TUNAR: variants seen among roughly 807,000 people sequenced by gnomAD.
The protein encoded by TUNAR is transmembrane neural differentiation associated intracellular calcium regulator, also known as protein TUNAR.
intron 2 of TUNAR, among the ~76,000 whole-genome samples, chr14:95,892,711 C>G (rs371864887): frequency 6.6e-6 from 1 of 152,264 alleles, no homozygotes; most frequent in Admixed American, 6.5e-5. Context: ...TCCCACATTG[C>G]TGTGACCCTG....
At chr14:95,898,866 C>G (rs1889303997) in intron 2 of TUNAR, among the ~76,000 whole-genome samples, 1 of 152,210 alleles carries the variant, frequency 6.6e-6, no homozygotes, top group Non-Finnish European at 1.5e-5. Context: ...TGCTCACTTT[C>G]TCCTGTGCCT....
chr14:95,888,612 G>A (rs1020246915), intron 2 of TUNAR, among the ~76,000 whole-genome samples: 2 of 152,254 alleles, frequency 1.3e-5, no homozygotes, highest in African/African-American at 2.4e-5. Context: ...CTCTGTGGAC[G>A]CTCCGTGTGG....
chr14:95,906,644 T>C (rs1352362239), intron 2 of TUNAR, among the ~76,000 whole-genome samples: 1 of 152,222 alleles, frequency 6.6e-6, no homozygotes, highest in Non-Finnish European at 1.5e-5. Context: ...GGTGAGTTCT[T>C]TTCTTTCCCA....
intron 2 of TUNAR, among the ~76,000 whole-genome samples, chr14:95,910,108 G>C (rs149269703): frequency 1.4e-4 from 21 of 152,310 alleles, no homozygotes; most frequent in African/African-American, 4.8e-4. Context: ...CGTATCCCTA[G>C]TACCTACAAA....
chr14:95,884,594 G>A (rs999475579), intron 2 of TUNAR, among the ~76,000 whole-genome samples: 2 of 152,234 alleles, frequency 1.3e-5, no homozygotes, highest in Admixed American at 6.5e-5. Flanking sequence ...GTGTTACAGG[G>A]TGACTCATCA....
intron 2 of TUNAR, among the ~76,000 whole-genome samples, chr14:95,917,220 A>G (rs1889619044): frequency 6.6e-6 from 1 of 152,174 alleles, no homozygotes; most frequent in Non-Finnish European, 1.5e-5. Flanking sequence ...TCTATAATTC[A>G]TCTGGAACTG....
chr14:95,923,061 G>A, exon 3 of TUNAR: 2 of 398,340 alleles, frequency 5.0e-6, no homozygotes, highest in Non-Finnish European at 8.9e-6. Context: ...GAACAAGCAG[G>A]CTTGACCCGC....
At chr14:95,914,101 A>G (rs923321531) in intron 2 of TUNAR, among the ~76,000 whole-genome samples, 3 of 152,234 alleles carry the variant, frequency 2.0e-5, no homozygotes, top group African/African-American at 4.8e-5. Flanking sequence ...ACCAATTGAC[A>G]GCCTTGGAAG....
At chr14:95,898,886 G>A (rs771866766) in intron 2 of TUNAR, among the ~76,000 whole-genome samples, 13 of 152,028 alleles carry the variant, frequency 8.6e-5, no homozygotes, top group East Asian at 3.8e-4. Flanking sequence ...TTTTCGTTTC[G>A]AGTTGAAAAA....
At chr14:95,919,860 G>A (rs912469384) in intron 2 of TUNAR, among the ~76,000 whole-genome samples, 2 of 152,180 alleles carry the variant, frequency 1.3e-5, no homozygotes, top group Non-Finnish European at 2.9e-5. Flanking sequence ...GTTTATGGGT[G>A]CTCACTGTAA....
chr14:95,877,993 C>T (rs2139648893), intron 2 of TUNAR, among the ~76,000 whole-genome samples: 1 of 152,340 alleles, frequency 6.6e-6, no homozygotes, highest in South Asian at 2.1e-4. Flanking sequence ...TGCTAGGCCT[C>T]AGAACTGCAT....
chr14:95,911,327 C>G (rs1027188240), intron 2 of TUNAR, among the ~76,000 whole-genome samples: 1 of 152,224 alleles, frequency 6.6e-6, no homozygotes, highest in African/African-American at 2.4e-5. Context: ...CAGCTCAGAC[C>G]TCCTATCTTG....
At chr14:95,912,085 GA>G (rs1333543504) in intron 2 of TUNAR, among the ~76,000 whole-genome samples, 1 of 152,158 alleles carries the variant, frequency 6.6e-6, no homozygotes, top group East Asian at 1.9e-4. Context: ...AGGATTGTTG[GA>G]AAACAGAAGC....
intron 2 of TUNAR, among the ~76,000 whole-genome samples, chr14:95,901,104 T>G (rs894355863): frequency 2.6e-5 from 4 of 152,202 alleles, no homozygotes; most frequent in Admixed American, 2.6e-4. Flanking sequence ...TAAGAGACAG[T>G]CCAGGCAACA....
At chr14:95,911,073 G>A (rs1261512890) in intron 2 of TUNAR, among the ~76,000 whole-genome samples, 2 of 152,200 alleles carry the variant, frequency 1.3e-5, no homozygotes, top group East Asian at 3.8e-4. Flanking sequence ...GAACATCCAT[G>A]TACCTATTGC....
At chr14:95,919,938 C>G (rs942413612) in intron 2 of TUNAR, among the ~76,000 whole-genome samples, 1 of 152,112 alleles carries the variant, frequency 6.6e-6, no homozygotes, top group African/African-American at 2.4e-5. Flanking sequence ...TATGTATATG[C>G]TTGCCCGAAT....
At chr14:95,884,811 G>T (rs188229513) in intron 2 of TUNAR, among the ~76,000 whole-genome samples, 1 of 152,048 alleles carries the variant, frequency 6.6e-6, no homozygotes, top group African/African-American at 2.4e-5. Flanking sequence ...CTGCGTGGTT[G>T]TATCTCCGAC....
At chr14:95,886,769 G>T (rs541523559) in intron 2 of TUNAR, among the ~76,000 whole-genome samples, 9 of 152,324 alleles carry the variant, frequency 5.9e-5, no homozygotes, top group Admixed American at 6.5e-5. Flanking sequence ...CATGATCCCT[G>T]AGGCCGGCCA....
intron 2 of TUNAR, among the ~76,000 whole-genome samples, chr14:95,882,812 A>G (rs571943808): frequency 1.3e-5 from 2 of 152,294 alleles, no homozygotes; most frequent in South Asian, 4.1e-4. Flanking sequence ...GGGGATCCTG[A>G]TCCACTTCTT....
Sources: gnomAD v4.1 joint callset for allele counts (sites outside exome capture counted in the v4.1 genomes callset) on GRCh38, gnomAD v4.1.1 for gene constraint, MANE v1.5 for transcripts, NCBI Gene and HGNC (gene_info 2026-07-23, HGNC 2026-07-21) for gene names.